Variants in HS6ST3 observed in about 807,000 individuals in gnomAD.
The protein encoded by HS6ST3 is heparan sulfate 6-O-sulfotransferase 3, also known as heparan-sulfate 6-O-sulfotransferase 3.
In HS6ST3, 12 loss-of-function variants were observed where a neutral mutation model predicts 36.7. The observed-to-expected ratio is 0.33, with a 90% CI of 0.21 to 0.53. The LOEUF (loss-of-function observed/expected upper bound fraction) is 0.53. Ranked by LOEUF, HS6ST3 falls within the 20% of genes least tolerant of loss-of-function variation. The pLI, the probability that HS6ST3 is intolerant of heterozygous loss-of-function variation, is 0.95. For synonymous variants in HS6ST3, 240 were observed against 257.5 expected, an observed-to-expected ratio of 0.93 and a Z score of 0.65; for missense variants, 584 against 640.9, an observed-to-expected ratio of 0.91 and a Z score of 0.96.
intron 1 of HS6ST3, among the ~76,000 whole-genome samples, chr13:96,397,896 A>C (rs1301443305): frequency 6.6e-6 from 1 of 152,328 alleles, no homozygotes; most frequent in East Asian, 1.9e-4. Context: ...TTTACAGATG[A>C]GGAAACTGAG....
At chr13:96,169,065 G>A (rs1566898337) in intron 1 of HS6ST3, among the ~76,000 whole-genome samples, 1 of 152,262 alleles carries the variant, frequency 6.6e-6, no homozygotes, top group South Asian at 2.1e-4. Flanking sequence ...ACAGGTGATG[G>A]TCCTCTCATG....
chr13:96,431,070 G>A (rs901625933), intron 1 of HS6ST3, among the ~76,000 whole-genome samples: 4 of 151,956 alleles, frequency 2.6e-5, no homozygotes, highest in African/African-American at 9.7e-5. Flanking sequence ...AGGGTGTGGT[G>A]GTACGTGCCT....
intron 1 of HS6ST3, among the ~76,000 whole-genome samples, chr13:96,230,172 G>A (rs2054500953): frequency 6.6e-6 from 1 of 152,162 alleles, no homozygotes; most frequent in South Asian, 2.1e-4. Flanking sequence ...AGGACCCTGA[G>A]AAGAGTAGTG....
chr13:96,163,318 C>A (rs554611229), intron 1 of HS6ST3, among the ~76,000 whole-genome samples: 1 of 151,234 alleles, frequency 6.6e-6, no homozygotes, highest in East Asian at 1.9e-4. Context: ...CAAGCTCCGC[C>A]CCCCGGGTTC....
At chr13:96,606,632 AGG>A (rs2138985709) in intron 1 of HS6ST3, among the ~76,000 whole-genome samples, 1 of 17,116 alleles carries the variant, frequency 5.8e-5, no homozygotes, top group East Asian at 1.3e-3. Context: ...GGAGGGAGGG[AGG>A]GAGGGCTGAG....
chr13:96,256,618 A>G (rs2054638785), intron 1 of HS6ST3, among the ~76,000 whole-genome samples: 1 of 152,200 alleles, frequency 6.6e-6, no homozygotes, highest in African/African-American at 2.4e-5. Context: ...AAGTTGTTGC[A>G]TAGTTAATAA....
At chr13:96,248,525 G>A (rs1277869745) in intron 1 of HS6ST3, among the ~76,000 whole-genome samples, 1 of 152,108 alleles carries the variant, frequency 6.6e-6, no homozygotes. Context: ...TATAAGGAAG[G>A]TTTCTTTGTG....
intron 1 of HS6ST3, among the ~76,000 whole-genome samples, chr13:96,764,751 T>C (rs1277243748): frequency 6.6e-6 from 1 of 152,170 alleles, no homozygotes; most frequent in Admixed American, 6.5e-5. Flanking sequence ...CTTTGGCTCT[T>C]TCTCATATTT....
At chr13:96,688,213 T>TATAATAATAATAATAATAATAATAATA (rs536989647) in intron 1 of HS6ST3, among the ~76,000 whole-genome samples, 2 of 75,050 alleles carry the variant, frequency 2.7e-5, no homozygotes, top group Admixed American at 2.7e-4. Context: ...GAACTTAAAG[T>TATAATAATAATAATAATAATAATAATA]ATAATAATAA....
At chr13:96,414,796 A>G (rs1389358639) in intron 1 of HS6ST3, among the ~76,000 whole-genome samples, 3 of 152,144 alleles carry the variant, frequency 2.0e-5, no homozygotes, top group Non-Finnish European at 4.4e-5. Context: ...TTCATGTTCT[A>G]ATACTCTTTC....
chr13:96,825,550 G>A (rs955457798), intron 1 of HS6ST3, among the ~76,000 whole-genome samples: 1 of 152,110 alleles, frequency 6.6e-6, no homozygotes, highest in Non-Finnish European at 1.5e-5. Context: ...GTCTCTGCTG[G>A]TCTCTTACCA....
At chr13:96,707,111 C>G (rs537064943) in intron 1 of HS6ST3, among the ~76,000 whole-genome samples, 2 of 152,124 alleles carry the variant, frequency 1.3e-5, no homozygotes, top group African/African-American at 4.8e-5. Flanking sequence ...TTTTGTCCTC[C>G]CAGAACTCAT....
intron 1 of HS6ST3, among the ~76,000 whole-genome samples, chr13:96,169,224 G>A (rs1030099347): frequency 2.0e-5 from 3 of 150,840 alleles, no homozygotes; most frequent in Non-Finnish European, 4.4e-5. Context: ...AGAGAAATGG[G>A]ATTTTGACTG....
At chr13:96,612,664 T>C (rs1191027087) in intron 1 of HS6ST3, among the ~76,000 whole-genome samples, 1 of 152,146 alleles carries the variant, frequency 6.6e-6, no homozygotes, top group Non-Finnish European at 1.5e-5. Context: ...ATGGCTCAAA[T>C]TCTTAGAGTC....
chr13:96,156,551 G>A (rs531517983), intron 1 of HS6ST3, among the ~76,000 whole-genome samples: 2 of 152,276 alleles, frequency 1.3e-5, no homozygotes, highest in South Asian at 4.2e-4. Flanking sequence ...ATATTCTTAG[G>A]CAAGATTCCT....
intron 1 of HS6ST3, among the ~76,000 whole-genome samples, chr13:96,619,904 A>G (rs907486441): frequency 2.0e-5 from 3 of 152,212 alleles, no homozygotes; most frequent in African/African-American, 2.4e-5. Context: ...TGGTGTAAAC[A>G]ATGAAACTTT....
In HS6ST3 at chr13:96,799,988, A is replaced by ATATATATATGTATATATATATATATG. The variant is rs1207492400; in HGVS notation, c.708-32492_708-32467dup. Among the ~76,000 whole-genome samples the ATATATATATGTATATATATATATATG allele has an allele frequency of 2.4e-5, 3 of 124,454 alleles. No individual in the cohort carries two copies. In the South Asian group the frequency reaches 6.8e-4, roughly 28 times the overall value. The allele number at this position is 124,454 out of a possible 152,430, so 81.6% of individuals were successfully genotyped here. On this transcript the variant is annotated intron_variant, in intron 1 of 1. Transcript: ENST00000376705. Reference sequence around the variant, plus strand: ...TGTGTATATATATATATATGTATATATATATATATGTATATATATATATAT... The same window carrying ATATATATATGTATATATATATATATG: ...TGTGTATATATATATATATGTATATATATATATATGTATATATATATATATGTATATATATGTATATATATATATAT...
At chr13:96,399,291 A>G (rs901451104) in intron 1 of HS6ST3, among the ~76,000 whole-genome samples, 1 of 152,174 alleles carries the variant, frequency 6.6e-6, no homozygotes, top group African/African-American at 2.4e-5. Flanking sequence ...TCATGGCATG[A>G]TGAAATTACA....
At chr13:96,394,831 A>G (rs1233295741) in intron 1 of HS6ST3, among the ~76,000 whole-genome samples, 2 of 152,232 alleles carry the variant, frequency 1.3e-5, no homozygotes, top group Non-Finnish European at 2.9e-5. Flanking sequence ...TTTTAAAGAA[A>G]GAAATGTCCC....
Sources: allele counts gnomAD v4.1 joint callset (sites outside exome capture counted in the v4.1 genomes callset), GRCh38; gene constraint gnomAD v4.1.1; transcripts MANE v1.5; gene names NCBI Gene and HGNC (gene_info 2026-07-23, HGNC 2026-07-21).